The following CCNE1 variants were observed in gnomAD, a reference collection of about 807,000 sequenced individuals.
The protein encoded by CCNE1 is G1/S-specific cyclin-E1.
A neutral mutation model predicts 54.1 loss-of-function variants in CCNE1; 8 were observed. The observed-to-expected ratio is 0.15, with a 90% CI of 0.09 to 0.27. The LOEUF (loss-of-function observed/expected upper bound fraction) is 0.27. Among genes scored for constraint, CCNE1 ranks in the 10% least tolerant of loss-of-function variants. The pLI is 1.00. For missense variants in CCNE1, 430 were observed against 514.9 expected, an observed-to-expected ratio of 0.84 and a Z score of 1.60; for synonymous variants, 179 against 185.2, an observed-to-expected ratio of 0.97 and a Z score of 0.27.
intron 6 of CCNE1, 153 bp downstream of exon 6, chr19:29,817,694 C>A: frequency 1.3e-6 from 1 of 788,378 alleles, no homozygotes; most frequent in Non-Finnish European, 2.0e-6. Flanking sequence ...TTCTGTTTTG[C>A]TTGTATTCTT....
At chr19:29,814,482 AT>A (rs3218034) in intron 4 of CCNE1, among the ~76,000 whole-genome samples, 8,427 of 152,180 alleles carry the variant, frequency 0.055, 592 homozygotes, top group East Asian at 0.16. Flanking sequence ...TAGCCATACC[AT>A]TTCCCACTAG....
rs368525829 is a variant in CCNE1, at chr19:29,823,811, C to T, written c.*34C>T. 142 of 1,581,486 alleles carry T rather than the reference C, an allele frequency of 9.0e-5. No individual in the cohort carries two copies. The African/African-American group carries it at 1.6e-3, about 17-fold the overall frequency. ...TCCTTCTCCACCAAAGACAGTTGCG[C>T]GCCTGCTCCACGTTCTCTTCTGTCT... is the stretch of plus-strand genomic sequence containing the variant. On this transcript the variant is annotated 3_prime_UTR_variant, in exon 12 of 12. Transcript: ENST00000262643.
intron 11 of CCNE1, 91 bp from the exon 12 acceptor site, chr19:29,823,564 T>A (rs932822846): frequency 5.6e-5 from 65 of 1,162,928 alleles, no homozygotes; most frequent in Middle Eastern, 5.3e-4. Context: ...AAAAAAAAAA[T>A]TTAAAAATTA....
At chr19:29,817,829 A>AGC (rs1327226103) in intron 6 of CCNE1, among the ~76,000 whole-genome samples, 5 of 142,842 alleles carry the variant, frequency 3.5e-5, no homozygotes, top group Non-Finnish European at 6.1e-5. Flanking sequence ...TTAACATTTG[A>AGC]GCTTTGTTCA....
At position 29,817,549 on chromosome 19, in the gene CCNE1, T is replaced by C; in HGVS notation, c.462+8T>C. 6.2e-7 allele frequency: 1 copy of C among 1,614,122 alleles called. No individual in the cohort carries two copies. The highest frequency in any genetic ancestry group is 1.3e-5 in the African/African-American group (1 of 75,036). On this transcript the variant is annotated splice_region_variant and intron_variant, in intron 6 of 11. Transcript: ENST00000262643. ...CTGGATTGGTTAATGGAGGTGAGCT[T>C]GAGTCTTCCTGTTCGCTTCATGAAA... is the stretch of plus-strand genomic sequence containing the variant.
Position 29,812,774 on chromosome 19 carries a change from G to A in CCNE1, c.109G>A (p.Val37Ile), listed in dbSNP as rs774836905. Reference protein sequence around the residue: ...RSRKRKANVTVFLQDPDEEMA... With the variant: ...RSRKRKANVTIFLQDPDEEMA... The stretch of plus-strand genomic sequence containing the variant: ...CAGGAAGAGGAAGGCAAACGTGACC[G>A]TTGTGAGTACAAAAGAGACAGGTTG... Residue 37 changes from valine to isoleucine, a missense_variant and splice_region_variant, in exon 3 of 12, where the codon GTT (valine) becomes ATT (isoleucine). Coordinates refer to ENST00000262643, the MANE Select transcript of CCNE1 (RefSeq NM_001238.4). The A allele has an allele frequency of 1.3e-5, 20 of 1,588,912 alleles. No individual in the cohort carries two copies. In the Admixed American group the frequency reaches 1.9e-4, roughly 15 times the overall value.
chr19:29,817,759 A>T (rs548522720), intron 6 of CCNE1, among the ~76,000 whole-genome samples: 1 of 150,988 alleles, frequency 6.6e-6, no homozygotes, highest in African/African-American at 2.4e-5. Flanking sequence ...TTGGCATCTA[A>T]TTTTTTCCAT....
chr19:29,812,814 C>CT (rs397759188), intron 3 of CCNE1, 38 bp downstream of exon 3: 1 of 1,587,678 alleles, frequency 6.3e-7, no homozygotes, highest in East Asian at 2.3e-5. Context: ...GCATCCCCCC[C>CT]ATCTCACCTG....
At chr19:29,818,665 C>T (rs778846967) in intron 6 of CCNE1, among the ~76,000 whole-genome samples, 3 of 151,928 alleles carry the variant, frequency 2.0e-5, no homozygotes, top group Non-Finnish European at 4.4e-5. Context: ...CACAGTGGCT[C>T]ATGTCTGTAA....
In CCNE1 at chr19:29,822,044, G is replaced by C; in HGVS notation, c.754G>C (p.Val252Leu). ...SPLTIVSWLN[V>L]YMQVAYLNDL... The stretch of plus-strand genomic sequence containing the variant: ...CCTGACTATTGTGTCCTGGCTGAAT[G>C]TATACATGCAGGTTGCATATCTAAA... Residue 252 changes from valine to leucine, a missense_variant, in exon 9 of 12, where the codon GTA becomes CTA. Physicochemically the swap from Val to Leu is conservative, Grantham distance 32. Transcript: ENST00000262643. The C allele has an allele frequency of 6.2e-7, 1 of 1,613,592 alleles. No individual in the cohort carries two copies. Among genetic ancestry groups the C allele is most frequent in the Non-Finnish European group, 8.5e-7 (1 of 1,179,506 alleles).
Position 29,820,753 on chromosome 19 carries a change from T to A in CCNE1, c.514T>A (p.Phe172Ile). The A allele has an allele frequency of 6.2e-7, 1 of 1,611,774 alleles. No homozygotes were observed. The highest frequency in any genetic ancestry group is 1.1e-5 in the South Asian group (1 of 90,848). The change falls in exon 7 of 12, where the codon TTC (phenylalanine) becomes ATC (isoleucine). Residue 172 changes from phenylalanine (F) to isoleucine (I), a missense_variant. Physicochemically the swap from Phe to Ile is conservative, Grantham distance 21. This residue lies in a region of CCNE1 where 303 missense variants were observed against 401.1 expected (regional missense o/e 0.76). Coordinates refer to ENST00000262643, the MANE Select transcript of CCNE1 (RefSeq NM_001238.4). ...GGAGACCTTTTACTTGGCACAAGAT[T>A]TCTTTGACCGGTATATGGCGACACA... is the stretch of plus-strand genomic sequence containing the variant. Reference protein sequence around the residue: ...HRETFYLAQDFFDRYMATQEN... With the variant: ...HRETFYLAQDIFDRYMATQEN...
At position 29,817,512 on chromosome 19, in the gene CCNE1, C is replaced by G; in HGVS notation, c.433C>G (p.Arg145Gly). 2 of 1,614,162 alleles carry G rather than the reference C, an allele frequency of 1.2e-6. No individual in the cohort carries two copies. The highest frequency in any genetic ancestry group is 1.7e-6 in the Non-Finnish European group (2 of 1,180,020). The change falls in exon 6 of 12, where the codon CGA becomes GGA. Residue 145 changes from arginine (R) to glycine (G), a missense_variant. Coordinates refer to ENST00000262643, the MANE Select transcript of CCNE1 (RefSeq NM_001238.4). ...EQHPLLQPKM[R>G]AILLDWLMEV... is the part of the protein sequence containing the mutation. ...ACACCCTCTTCTGCAGCCAAAAATGCGAGCAATTCTTCTGGATTGGTTAAT... is the reference window on the plus strand; with the variant it reads ...ACACCCTCTTCTGCAGCCAAAAATGGGAGCAATTCTTCTGGATTGGTTAAT...
At chr19:29,819,054 C>T (rs1324347770) in intron 6 of CCNE1, among the ~76,000 whole-genome samples, 2 of 151,946 alleles carry the variant, frequency 1.3e-5, no homozygotes, top group Non-Finnish European at 2.9e-5. Context: ...TGAGCCACTG[C>T]GCCTGGCCCT....
intron 11 of CCNE1, 60 bp from the exon 12 acceptor site, chr19:29,823,594 TA>T: frequency 7.1e-7 from 1 of 1,414,612 alleles, no homozygotes; most frequent in Admixed American, 2.5e-5. Context: ...AAGCCTATGG[TA>T]ATTGAAGCCC....
Position 29,817,475 on chromosome 19 carries a change from C to T in CCNE1, c.396C>T (p.His132=). The change falls in exon 6 of 12, where the codon CAC becomes CAT. Residue 132 remains histidine (H), a synonymous_variant. Transcript: ENST00000262643. ...NKEKTYLRDQ[H]FLEQHPLLQP... ...AAAAGACATACTTAAGGGATCAGCACTTTCTTGAGCAACACCCTCTTCTGC... is the reference window on the plus strand; with the variant it reads ...AAAAGACATACTTAAGGGATCAGCATTTTCTTGAGCAACACCCTCTTCTGC... 1.2e-6 allele frequency: 2 copies of T among 1,614,180 alleles called. No individual in the cohort carries two copies. The highest frequency in any genetic ancestry group is 1.7e-6 in the Non-Finnish European group (2 of 1,180,028).
rs775527543 is a variant in CCNE1 at position 29,812,687 on chromosome 19, AG to A, written c.25del. ...CCGGCCCGGTGCCACCCGGGTCCAC[AG>A]GGATGCGAAGGAGCGGGACACCATG... On this transcript the variant is annotated splice_acceptor_variant, in intron 2 of 11. Transcript: ENST00000262643. LOFTEE classifies it high-confidence loss of function. 1 of 1,584,218 alleles carries A rather than the reference AG, an allele frequency of 6.3e-7. No individual in the cohort carries two copies. Among genetic ancestry groups the A allele is most frequent in the Non-Finnish European group, 8.6e-7 (1 of 1,167,400 alleles).
rs139896586 is a variant in CCNE1 at position 29,819,869 on chromosome 19, C to T, written c.463-833C>T. Among the ~76,000 whole-genome samples the T allele has an allele frequency of 1.1e-3, 173 of 152,330 alleles. 1 individual carries two copies. The highest frequency in any genetic ancestry group is 1.7e-3 in the Non-Finnish European group (117 of 68,028). On this transcript the variant is annotated intron_variant, in intron 6 of 11. Transcript: ENST00000262643. ...CATGTAGAAGTTGAGTGTGTAACTA[C>T]AGAAGTACCCCTCATCCTCGGGGGT...
chr19:29,815,091 T>C (rs1973981558), intron 4 of CCNE1, among the ~76,000 whole-genome samples: 1 of 152,204 alleles, frequency 6.6e-6, no homozygotes, highest in Admixed American at 6.5e-5. Flanking sequence ...TTCTACCTCA[T>C]CCACTGGTCC....
intron 4 of CCNE1, chr19:29,813,402 C>T (rs976333028): frequency 6.1e-5 from 13 of 213,234 alleles, no homozygotes; most frequent in Non-Finnish European, 1.2e-4. Flanking sequence ...CAAAGTTGGG[C>T]TCTCGGCCTT....
Sources: gnomAD v4.1 joint callset for allele counts (sites outside exome capture counted in the v4.1 genomes callset) on GRCh38, gnomAD v4.1.1 for gene constraint, gnomAD v4.1.1 regional missense constraint, MANE v1.5 for transcripts, NCBI Gene and HGNC (gene_info 2026-07-23, HGNC 2026-07-21) for gene names.